BIN2: variants seen among roughly 807,000 people sequenced by gnomAD.
The protein encoded by BIN2 is breast cancer associated protein BRAP1.
Under a neutral mutation model 67.9 loss-of-function variants are expected in BIN2, and 43 were observed. That is an observed-to-expected ratio of 0.63 (90% CI 0.50 to 0.82). The LOEUF (loss-of-function observed/expected upper bound fraction) is 0.82. Ranked by LOEUF, BIN2 falls within the 40% of genes least tolerant of loss-of-function variation. The probability of loss-of-function intolerance (pLI) is 0.00; values close to 1 mark genes in which losing one functional copy is unlikely to be tolerated. For synonymous variants in BIN2, 244 were observed against 246.8 expected (o/e 0.99, Z 0.11); for missense variants, 581 against 671.6 (o/e 0.87, Z 1.49).
In BIN2 at chr12:51,314,909, G is replaced by A. The variant is rs1946083139; in HGVS notation, c.82-1006C>T. The stretch of plus-strand genomic sequence containing the variant: ...GCTCTGTTGCCCTGGCTGTAGTACA[G>A]TGGTGCAATCACAACTTACTACAGC... On this transcript the variant is annotated intron_variant, in intron 1 of 12. Transcript: ENST00000615107. Among the ~76,000 whole-genome samples the A allele has an allele frequency of 2.6e-5, 4 of 152,088 alleles. No homozygotes were observed. In the South Asian group the frequency reaches 8.3e-4, roughly 31 times the overall value.
chr12:51,295,731 A>G (rs1391922110), intron 9 of BIN2, 65 bp downstream of exon 9: 2 of 1,357,766 alleles, frequency 1.5e-6, no homozygotes, highest in African/African-American at 2.9e-5. Flanking sequence ...TGGACTGGAG[A>G]TGAGGATGTT....
rs146410757 is a variant in BIN2, at chr12:51,302,115, T to A, written c.313A>T (p.Asn105Tyr). Residue 105 changes from asparagine (N) to tyrosine (Y), a missense_variant and splice_region_variant, in exon 5 of 13, where the codon AAT becomes TAT. Transcript: ENST00000615107. Reference protein sequence around the residue: ...GHEELKAIVWNNDLLWEDYEE... With the variant: ...GHEELKAIVWYNDLLWEDYEE... The stretch of plus-strand genomic sequence containing the variant: ...TAGTCTTCCCAAAGGAGATCATTAT[T>A]CTGTAGGATAGAGTCAGAGGCTGGT... The A allele has an allele frequency of 6.0e-5, 97 of 1,607,250 alleles. No homozygotes were observed. Among genetic ancestry groups the A allele is most frequent in the Non-Finnish European group, 7.6e-5 (89 of 1,173,808 alleles).
At chr12:51,294,590 C>G (rs113580494) in intron 9 of BIN2, among the ~76,000 whole-genome samples, 2 of 148,558 alleles carry the variant, frequency 1.3e-5, no homozygotes, top group African/African-American at 5.1e-5. Flanking sequence ...ACAAAAAAAA[C>G]CCCCCAAAAA....
Position 51,281,463 on chromosome 12 carries a change from G to A in BIN2, c.*36C>T, listed in dbSNP as rs776646493. Reference sequence around the variant, plus strand: ...CCTCTGGTTGAAGAGCTTCTCTGGCGAGGTTTGGGGCAGGAGGAGTCTTGG... The same window carrying A: ...CCTCTGGTTGAAGAGCTTCTCTGGCAAGGTTTGGGGCAGGAGGAGTCTTGG... On this transcript the variant is annotated 3_prime_UTR_variant, in exon 13 of 13. Transcript: ENST00000615107. 34 of 1,605,872 alleles carry A rather than the reference G, an allele frequency of 2.1e-5. No individual in the cohort carries two copies. The East Asian group carries it at 3.3e-4, about 16-fold the overall frequency.
chr12:51,297,546 G>A (rs780578049), intron 7 of BIN2, among the ~76,000 whole-genome samples: 42 of 152,098 alleles, frequency 2.8e-4, no homozygotes, highest in Middle Eastern at 6.8e-3. Context: ...CAGCCTGGGC[G>A]ACAGAGCGAG....
chr12:51,317,299 G>A (rs542750353), intron 1 of BIN2, among the ~76,000 whole-genome samples: 3 of 152,230 alleles, frequency 2.0e-5, no homozygotes, highest in Admixed American at 1.3e-4. Flanking sequence ...GTAACAGGAA[G>A]GAGAGTAAGA....
intron 9 of BIN2, among the ~76,000 whole-genome samples, chr12:51,292,809 T>G (rs1391023256): frequency 1.3e-5 from 2 of 152,180 alleles, no homozygotes; most frequent in African/African-American, 4.8e-5. Flanking sequence ...CCTTCTTGCT[T>G]CCGTTCTCAA....
At position 51,315,162 on chromosome 12, in the gene BIN2, A is replaced by G. The variant is rs1040427316; in HGVS notation, c.82-1259T>C. Among the ~76,000 whole-genome samples the G allele has an allele frequency of 2.7e-3, 397 of 149,188 alleles. 2 individuals are homozygous for G. Among genetic ancestry groups the G allele is most frequent in the African/African-American group, 9.5e-3 (377 of 39,704 alleles). ...AGCCATTAGGCTGGCTGGCATTGTT[A>G]TTATTATTATTATTTTTTTTTTTTT... On this transcript the variant is annotated intron_variant, in intron 1 of 12. Transcript: ENST00000615107.
intron 9 of BIN2, among the ~76,000 whole-genome samples, chr12:51,293,751 T>G (rs2137366414): frequency 6.6e-6 from 1 of 152,324 alleles, no homozygotes; most frequent in South Asian, 2.1e-4. Flanking sequence ...AACTAGCAAT[T>G]ATGAAGCTAT....
intron 8 of BIN2, 127 bp downstream of exon 8, chr12:51,296,962 A>G: frequency 1.3e-6 from 1 of 763,738 alleles, no homozygotes; most frequent in Non-Finnish European, 2.1e-6. Flanking sequence ...CTCTTATTTC[A>G]TCATGAGAGA....
chr12:51,301,824 T>C (rs1248118779), intron 5 of BIN2, among the ~76,000 whole-genome samples, 196 bp downstream of exon 5: 1 of 152,150 alleles, frequency 6.6e-6, no homozygotes, highest in Non-Finnish European at 1.5e-5. Flanking sequence ...AATCTAAGTT[T>C]AAACATAAAC....
At chr12:51,293,341 G>A (rs960932763) in intron 9 of BIN2, among the ~76,000 whole-genome samples, 3 of 151,592 alleles carry the variant, frequency 2.0e-5, no homozygotes, top group Non-Finnish European at 2.9e-5. Flanking sequence ...ATGGAGTCTC[G>A]CTCTGTCGCC....
At chr12:51,305,671 T>C (rs531121838) in intron 2 of BIN2, among the ~76,000 whole-genome samples, 1 of 151,830 alleles carries the variant, frequency 6.6e-6, no homozygotes, top group Admixed American at 6.6e-5. Context: ...AAATTCTATC[T>C]AGTGACAAAA....
chr12:51,311,112 T>G (rs1363137785), intron 2 of BIN2, among the ~76,000 whole-genome samples: 1 of 151,292 alleles, frequency 6.6e-6, no homozygotes, highest in Non-Finnish European at 1.5e-5. Context: ...TTTTTTTTCT[T>G]TTGAGACAGG....
rs899146070 is a variant in BIN2, at chr12:51,302,947, C to T, written c.217+140G>A. On this transcript the variant is annotated intron_variant, in intron 3 of 12. Transcript: ENST00000615107. ...GCTGAAAGGAAAAGTCACTCTTCCT[C>T]AGCCCACAAAATTCCAGGAGTCAAG... 19 of 1,171,262 alleles carry T rather than the reference C, an allele frequency of 1.6e-5. No individual in the cohort carries two copies. The African/African-American group carries it at 1.7e-4, about 10-fold the overall frequency. 72.6% of individuals were successfully genotyped at this position (1,171,262 alleles called of 1,614,324 possible).
intron 1 of BIN2, among the ~76,000 whole-genome samples, chr12:51,317,908 A>G (rs1337799957): frequency 1.3e-5 from 2 of 152,140 alleles, no homozygotes; most frequent in Non-Finnish European, 2.9e-5. Context: ...GAATGGCATG[A>G]ACCCGGGAGG....
intron 12 of BIN2, among the ~76,000 whole-genome samples, chr12:51,282,744 C>T (rs1429082848): frequency 1.3e-5 from 2 of 151,810 alleles, no homozygotes; most frequent in Non-Finnish European, 1.5e-5. Context: ...GCTGGGATTA[C>T]GGGTGCGTGC....
At position 51,299,725 on chromosome 12, in the gene BIN2, G is replaced by A; in HGVS notation, c.409-11C>T. On this transcript the variant is annotated splice_polypyrimidine_tract_variant and intron_variant, in intron 5 of 12. Coordinates refer to ENST00000615107, the MANE Select transcript of BIN2 (RefSeq NM_016293.4). ...CTTGGCAATTCTCTCCTGACCCAGG[G>A]TAATGAGAAAGGGTGTGGATACTCA... The A allele has an allele frequency of 6.2e-7, 1 of 1,613,104 alleles. No individual in the cohort carries two copies. The highest frequency in any genetic ancestry group is 8.5e-7 in the Non-Finnish European group (1 of 1,179,146).
intron 1 of BIN2, 44 bp from the exon 2 acceptor site, chr12:51,313,947 C>T: frequency 2.6e-6 from 4 of 1,535,432 alleles, no homozygotes; most frequent in Non-Finnish European, 3.6e-6. Context: ...ATAGTCAAGT[C>T]TCTCTTACAT....
Sources: allele counts gnomAD v4.1 joint callset (sites outside exome capture counted in the v4.1 genomes callset), GRCh38; gene constraint gnomAD v4.1.1; transcripts MANE v1.5; gene names NCBI Gene and HGNC (gene_info 2026-07-23, HGNC 2026-07-21).